The following EMID1 variants were observed in gnomAD, a reference collection of about 807,000 sequenced individuals.
EMID1 encodes the protein EMI domain containing 1, also known as EMI domain-containing protein 1.
In EMID1, 40 loss-of-function variants were observed where a neutral mutation model predicts 60.6. The ratio of observed to expected loss-of-function variants is 0.66; its 90% CI spans 0.51 to 0.86. The LOEUF (loss-of-function observed/expected upper bound fraction) is 0.86, where lower values mean the gene tolerates loss of function less well. EMID1 is among the 40% of genes least tolerant of loss of function. The probability of loss-of-function intolerance (pLI) is 0.00; values close to 1 mark genes in which losing one functional copy is unlikely to be tolerated. For missense variants in EMID1, 585 were observed against 597.1 expected (o/e 0.98, Z 0.21); for synonymous variants, 242 against 231.0 (o/e 1.05, Z -0.43).
intron 14 of EMID1, chr22:29,254,554 G>A: frequency 2.5e-6 from 1 of 406,640 alleles, no homozygotes; most frequent in Non-Finnish European, 4.5e-6. Flanking sequence ...GTGGTTTCTA[G>A]GCCTGCAGGG....
At chr22:29,221,222 C>G (rs945056599) in intron 3 of EMID1, among the ~76,000 whole-genome samples, 1 of 145,754 alleles carries the variant, frequency 6.9e-6, no homozygotes, top group Non-Finnish European at 1.5e-5. Flanking sequence ...CCTTCAGGGC[C>G]CCCCTGAGAG....
intron 13 of EMID1, among the ~76,000 whole-genome samples, chr22:29,244,944 C>T (rs1272901278): frequency 6.6e-6 from 1 of 152,134 alleles, no homozygotes; most frequent in Non-Finnish European, 1.5e-5. Context: ...CACATGCAGT[C>T]TGGCTGGGAC....
chr22:29,239,841 C>T (rs1251976266), intron 12 of EMID1, among the ~76,000 whole-genome samples: 2 of 151,022 alleles, frequency 1.3e-5, no homozygotes. Context: ...CTCACTGCAA[C>T]CTCCACCTCC....
At chr22:29,256,508 A>C (rs1448377005) in intron 14 of EMID1, among the ~76,000 whole-genome samples, 1 of 150,836 alleles carries the variant, frequency 6.6e-6, no homozygotes, top group African/African-American at 2.4e-5. Flanking sequence ...GATCCCAAGC[A>C]GGAAGAAGGG....
At chr22:29,248,006 C>A (rs892245038) in intron 13 of EMID1, among the ~76,000 whole-genome samples, 2 of 149,002 alleles carry the variant, frequency 1.3e-5, no homozygotes, top group Non-Finnish European at 3.0e-5. Flanking sequence ...CAGTGGAGTA[C>A]AGTGGCTTGA....
chr22:29,231,746 C>T (rs1188460376), intron 7 of EMID1, 64 bp downstream of exon 7: 2 of 1,396,252 alleles, frequency 1.4e-6, no homozygotes, highest in Non-Finnish European at 1.9e-6. Context: ...TGGGCCCTTC[C>T]CTGCTCCTGA....
At chr22:29,254,495 G>A (rs536916967) in intron 14 of EMID1, 18 of 561,142 alleles carry the variant, frequency 3.2e-5, no homozygotes, top group Admixed American at 1.5e-4. Context: ...CTAGAAACCC[G>A]GGCCCTGCTG....
intron 12 of EMID1, among the ~76,000 whole-genome samples, chr22:29,241,141 G>T (rs1156640506): frequency 6.6e-6 from 1 of 152,088 alleles, no homozygotes; most frequent in Non-Finnish European, 1.5e-5. Context: ...CCCTAAGACT[G>T]GTCTACACTG....
chr22:29,257,511 C>T lies in EMID1; in HGVS notation c.1205-1306C>T, dbSNP rs191737330. Among the ~76,000 whole-genome samples, 662 of 152,158 alleles carry T rather than the reference C, an allele frequency of 4.4e-3. 6 individuals carry two copies. Among genetic ancestry groups the T allele is most frequent in the African/African-American group, 0.015 (623 of 41,484 alleles). ...AATGGGAATGGTCAGGCTAGGGGTC[C>T]ACCTCAGGTCTCCCCTCTAAAGTCC... On this transcript the variant is annotated intron_variant, in intron 14 of 14. Transcript: ENST00000334018.
chr22:29,210,386 A>G (rs1366339208), intron 1 of EMID1, among the ~76,000 whole-genome samples: 1 of 150,772 alleles, frequency 6.6e-6, no homozygotes, highest in Non-Finnish European at 1.5e-5. Context: ...ACAGGCATGC[A>G]CCACCATGCC....
chr22:29,235,348 C>CA (rs3066718), intron 12 of EMID1, among the ~76,000 whole-genome samples: 1,526 of 113,260 alleles, frequency 0.013, 33 homozygotes, highest in African/African-American at 0.04. Flanking sequence ...GACTTCATCT[C>CA]AAAAAAAAAA....
At position 29,253,544 on chromosome 22, in the gene EMID1, T is replaced by C. The variant is rs1038308358; in HGVS notation, c.1120-659T>C. On this transcript the variant is annotated intron_variant, in intron 13 of 14. Transcript: ENST00000334018. ...TTGCGGTGAGCTGAGATCGCGCCATTGCACTCCAACCTGGGCAACAAGAGC... is the reference window on the plus strand; with the variant it reads ...TTGCGGTGAGCTGAGATCGCGCCATCGCACTCCAACCTGGGCAACAAGAGC... Among the ~76,000 whole-genome samples the C allele has an allele frequency of 2.0e-5, 3 of 152,196 alleles. No individual in the cohort carries two copies. The East Asian group carries it at 5.8e-4, about 29-fold the overall frequency.
chr22:29,247,380 G>A (rs1277855168), intron 13 of EMID1, among the ~76,000 whole-genome samples: 1 of 152,206 alleles, frequency 6.6e-6, no homozygotes, highest in Non-Finnish European at 1.5e-5. Context: ...ATGGGGATAT[G>A]TCCTGGAAAA....
chr22:29,255,202 C>CCCAG, intron 14 of EMID1: 2 of 734,564 alleles, frequency 2.7e-6, no homozygotes, highest in Non-Finnish European at 4.1e-6. Flanking sequence ...CCACCCTCCC[C>CCCAG]GCTTGGCTCC....
Position 29,216,051 on chromosome 22 carries a change from C to T in EMID1, c.319+421C>T, listed in dbSNP as rs554148562. 3.3e-5 allele frequency among the ~76,000 whole-genome samples: 5 copies of T among 152,256 alleles called. No homozygotes were observed. The South Asian group carries it at 1.0e-3, about 32-fold the overall frequency. On this transcript the variant is annotated intron_variant, in intron 3 of 14. Transcript: ENST00000334018. ...TCCTGCAGATGAGGAAACCGAGGCT[C>T]AGGAAGGGGAGGGGCACACACCTCT...
intron 5 of EMID1, among the ~76,000 whole-genome samples, chr22:29,227,927 G>C (rs2040586414): frequency 6.6e-6 from 1 of 151,750 alleles, no homozygotes; most frequent in African/African-American, 2.4e-5. Context: ...AGGTCAAGGA[G>C]GGCGGATCAC....
At chr22:29,214,039 T>G (rs1232487743) in intron 1 of EMID1, among the ~76,000 whole-genome samples, 3 of 152,222 alleles carry the variant, frequency 2.0e-5, no homozygotes, top group Non-Finnish European at 2.9e-5. Context: ...GTAAATACCT[T>G]TAGCATATAA....
rs534503563 is a variant in EMID1, at chr22:29,232,275, G to A, written c.696G>A (p.Gly232=). Residue 232 remains glycine, a synonymous_variant, in exon 8 of 15, where the codon GGG becomes GGA. Transcript: ENST00000334018. Reference sequence around the variant, plus strand: ...TTGCAGGTCCACAGGGCCCCCCAGGGAGCCCTGGCCGGGCTGGAGCTGTGG... The same window carrying A: ...TTGCAGGTCCACAGGGCCCCCCAGGAAGCCCTGGCCGGGCTGGAGCTGTGG... ...RGPPGPQGPP[G]SPGRAGAVGT... 2 of 1,611,608 alleles carry A rather than the reference G, an allele frequency of 1.2e-6. No homozygotes were observed. Among genetic ancestry groups the A allele is most frequent in the South Asian group, 1.1e-5 (1 of 91,030 alleles).
intron 7 of EMID1, 111 bp from the exon 8 acceptor site, chr22:29,232,145 C>A: frequency 7.7e-7 from 1 of 1,306,012 alleles, no homozygotes. Context: ...CTGTGGACTC[C>A]GGGGCCCTCT....
Sources: allele counts gnomAD v4.1 joint callset (sites outside exome capture counted in the v4.1 genomes callset), GRCh38; gene constraint gnomAD v4.1.1; transcripts MANE v1.5; gene names NCBI Gene and HGNC (gene_info 2026-07-23, HGNC 2026-07-21).